Variants in HDAC2 observed in about 807,000 individuals in gnomAD.
HDAC2 encodes the protein YY1-associated factor 1.
Under a neutral mutation model 68.5 loss-of-function variants are expected in HDAC2, and 5 were observed. That is an observed-to-expected ratio of 0.07 (90% CI 0.04 to 0.15). The LOEUF (loss-of-function observed/expected upper bound fraction) is 0.15. Among genes scored for constraint, HDAC2 ranks in the 10% least tolerant of loss-of-function variants. HDAC2 has a pLI of 1.00. For synonymous variants in HDAC2, 182 were observed against 191.3 expected (o/e 0.95, Z 0.40); for missense variants, 291 against 600.8 (o/e 0.48, Z 5.39).
chr6:113,941,150 C>G (rs1402384846), intron 13 of HDAC2, 62 bp from the exon 14 acceptor site: 1 of 1,244,430 alleles, frequency 8.0e-7, no homozygotes, highest in African/African-American at 1.5e-5. Context: ...ATGCACTGAC[C>G]TATTATATTG....
chr6:113,945,957 C>A, intron 9 of HDAC2, 51 bp downstream of exon 9: 1 of 1,387,226 alleles, frequency 7.2e-7, no homozygotes, highest in Non-Finnish European at 1.0e-6. Context: ...ATTAGAGGAG[C>A]ATCTGTATTG....
intron 12 of HDAC2, among the ~76,000 whole-genome samples, chr6:113,942,350 T>A (rs929590916): frequency 6.6e-6 from 1 of 151,720 alleles, no homozygotes; most frequent in Admixed American, 6.6e-5. Context: ...AATTTCTGTA[T>A]GTAGCCTATT....
intron 3 of HDAC2, among the ~76,000 whole-genome samples, chr6:113,957,733 T>A (rs978434462): frequency 7.9e-5 from 12 of 151,954 alleles, no homozygotes; most frequent in African/African-American, 2.7e-4. Context: ...GGTAATCCAC[T>A]CACCTCCGCC....
At chr6:113,960,963 T>C (rs1325480304) in intron 1 of HDAC2, among the ~76,000 whole-genome samples, 1 of 152,114 alleles carries the variant, frequency 6.6e-6, no homozygotes, top group Non-Finnish European at 1.5e-5. Context: ...GCATTTGCAT[T>C]GTATTAGGTA....
intron 3 of HDAC2, among the ~76,000 whole-genome samples, chr6:113,958,066 A>G (rs1268493604): frequency 2.0e-5 from 3 of 152,226 alleles, no homozygotes; most frequent in African/African-American, 7.2e-5. Context: ...AACACTAATG[A>G]GAATGAACTT....
intron 2 of HDAC2, chr6:113,959,460 C>G (rs917491178): frequency 3.3e-5 from 5 of 153,080 alleles, no homozygotes; most frequent in African/African-American, 1.2e-4. Flanking sequence ...CTGTACTATG[C>G]TTGGCCACAC....
chr6:113,948,942 AT>A (rs765840942), intron 8 of HDAC2, 36 bp downstream of exon 8: 2 of 1,601,030 alleles, frequency 1.2e-6, no homozygotes, highest in Non-Finnish European at 1.7e-6. Context: ...AAGAAAAACC[AT>A]TTTTTTCTGG....
chr6:113,941,958 T>C (rs569955959), intron 12 of HDAC2, among the ~76,000 whole-genome samples, 193 bp from the exon 13 acceptor site: 22 of 152,134 alleles, frequency 1.4e-4, no homozygotes, highest in South Asian at 8.3e-4. Context: ...AGTCACTGGA[T>C]TGGGGTGCAG....
At chr6:113,951,703 G>A (rs1018740623) in intron 6 of HDAC2, among the ~76,000 whole-genome samples, 3 of 152,034 alleles carry the variant, frequency 2.0e-5, no homozygotes, top group African/African-American at 4.8e-5. Context: ...TCCTGACCTC[G>A]TGATCCTCCC....
intron 9 of HDAC2, among the ~76,000 whole-genome samples, chr6:113,945,791 A>G (rs1190228931): frequency 5.9e-5 from 9 of 152,212 alleles, no homozygotes; most frequent in Admixed American, 2.6e-4. Flanking sequence ...TCAGTATTAG[A>G]TTATTTTGTC....
rs1776118084 is a variant in HDAC2 at position 113,940,996 on chromosome 6, A to C, written c.*62T>G. 2.2e-6 allele frequency: 3 copies of C among 1,343,508 alleles called. No homozygotes were observed. The Admixed American group carries it at 5.5e-5, about 25-fold the overall frequency. The allele number at this position is 1,343,508 out of a possible 1,614,324, so 83.2% of individuals were successfully genotyped here. A position where few individuals can be genotyped will look rare whatever the true frequency, so the allele number is the denominator to read the frequency against. On this transcript the variant is annotated 3_prime_UTR_variant, in exon 14 of 14. Coordinates refer to ENST00000519065, the MANE Select transcript of HDAC2 (RefSeq NM_001527.4). Reference sequence around the variant, plus strand: ...ATGAAGCCAGAAGTCTTCAAAAAGAAAACATTTTCCTTTCAATATTTTCTT... The same window carrying C: ...ATGAAGCCAGAAGTCTTCAAAAAGACAACATTTTCCTTTCAATATTTTCTT...
At chr6:113,970,692 A>G (rs949723625) in intron 1 of HDAC2, 165 bp downstream of exon 1, 152 of 1,357,802 alleles carry the variant, frequency 1.1e-4, no homozygotes, top group Non-Finnish European at 1.4e-4. Context: ...CGCCAGGAAG[A>G]GGGTCTCGTT....
At chr6:113,970,688 G>C in intron 1 of HDAC2, 169 bp downstream of exon 1, 2 of 1,359,612 alleles carry the variant, frequency 1.5e-6, no homozygotes, top group South Asian at 1.8e-5. Context: ...GCTGCGCCAG[G>C]AAGAGGGTCT....
chr6:113,940,275 T>C lies in HDAC2; in HGVS notation c.*783A>G, dbSNP rs549934927. 1 of 152,324 alleles carries C rather than the reference T, an allele frequency of 6.6e-6. No individual in the cohort carries two copies. Among genetic ancestry groups the C allele is most frequent in the South Asian group, 2.1e-4 (1 of 4,832 alleles). 9.4% of individuals were successfully genotyped at this position (152,324 alleles called of 1,614,324 possible). A position where few individuals can be genotyped will look rare whatever the true frequency, so the allele number is the denominator to read the frequency against. On this transcript the variant is annotated 3_prime_UTR_variant, in exon 14 of 14. Coordinates refer to ENST00000519065, the MANE Select transcript of HDAC2 (RefSeq NM_001527.4). ...ATAATAATGGAACCTGGATGCCATGTAAATGCAGTAAAAGAAACAGGTTTT... is the reference window on the plus strand; with the variant it reads ...ATAATAATGGAACCTGGATGCCATGCAAATGCAGTAAAAGAAACAGGTTTT...
At position 113,937,840 on chromosome 6, in the gene HDAC2, C is replaced by T. The variant is rs1003145291; in HGVS notation, c.*3218G>A. Reference sequence around the variant, plus strand: ...ACACTCCATCCTGGGTGACCGAGATCCTTTCTCTAAAAAAAAGAGATAAAC... The same window carrying T: ...ACACTCCATCCTGGGTGACCGAGATTCTTTCTCTAAAAAAAAGAGATAAAC... On this transcript the variant is annotated 3_prime_UTR_variant, in exon 14 of 14. Transcript: ENST00000519065. 2.6e-5 allele frequency: 4 copies of T among 152,188 alleles called. No homozygotes were observed. The highest frequency in any genetic ancestry group is 5.9e-5 in the Non-Finnish European group (4 of 68,080). The allele number at this position is 152,188 out of a possible 1,614,324, so 9.4% of individuals were successfully genotyped here. A position where few individuals can be genotyped will look rare whatever the true frequency, so the allele number is the denominator to read the frequency against.
rs1466397529 is a variant in HDAC2, at chr6:113,937,983, T to G, written c.*3075A>C. 2.6e-5 allele frequency: 4 copies of G among 152,142 alleles called. No individual in the cohort carries two copies. Among genetic ancestry groups the G allele is most frequent in the African/African-American group, 9.7e-5 (4 of 41,400 alleles). The allele number at this position is 152,142 out of a possible 1,614,324, so 9.4% of individuals were successfully genotyped here. A position where few individuals can be genotyped will look rare whatever the true frequency, so the allele number is the denominator to read the frequency against. Reference sequence around the variant, plus strand: ...CAACATAGTGAAACCCCGTCTCTACTAAAAATGCGAACAATTAGCTGGGCG... The same window carrying G: ...CAACATAGTGAAACCCCGTCTCTACGAAAAATGCGAACAATTAGCTGGGCG... On this transcript the variant is annotated 3_prime_UTR_variant, in exon 14 of 14. Coordinates refer to ENST00000519065, the MANE Select transcript of HDAC2 (RefSeq NM_001527.4).
At chr6:113,970,703 C>T in intron 1 of HDAC2, 154 bp downstream of exon 1, 2 of 1,389,450 alleles carry the variant, frequency 1.4e-6, no homozygotes, top group Non-Finnish European at 1.9e-6. Flanking sequence ...GGGTCTCGTT[C>T]TAACTGTGCC....
intron 2 of HDAC2, among the ~76,000 whole-genome samples, chr6:113,959,285 A>G (rs1485964238): frequency 1.3e-5 from 2 of 152,080 alleles, no homozygotes; most frequent in Admixed American, 1.3e-4. Context: ...CTAAATGTCT[A>G]CATGTAACTG....
chr6:113,946,096 C>T lies in HDAC2; in HGVS notation c.894G>A (p.Met298Ile). The change falls in exon 9 of 14, where the codon ATG (methionine) becomes ATA (isoleucine). Residue 298 changes from methionine (M) to isoleucine (I), a missense_variant. Coordinates refer to ENST00000519065, the MANE Select transcript of HDAC2 (RefSeq NM_001527.4). ...GGATTGTGTAGCCACCTCCTCCAAG[C>T]ATCAGTAATGGTAAGTTAAAAGTTT... Reference protein sequence around the residue: ...VVKTFNLPLLMLGGGGYTIRN... With the variant: ...VVKTFNLPLLILGGGGYTIRN... 6.2e-7 allele frequency: 1 copy of T among 1,612,600 alleles called. No individual in the cohort carries two copies. Among genetic ancestry groups the T allele is most frequent in the Non-Finnish European group, 8.5e-7 (1 of 1,178,624 alleles).
Sources: gnomAD v4.1 joint callset for allele counts (sites outside exome capture counted in the v4.1 genomes callset) on GRCh38, gnomAD v4.1.1 for gene constraint, MANE v1.5 for transcripts, NCBI Gene and HGNC (gene_info 2026-07-23, HGNC 2026-07-21) for gene names.